Variants in GRB10 observed in about 807,000 individuals in gnomAD.
GRB10 encodes growth factor receptor bound protein 10, also known as growth factor receptor-bound protein 10.
A neutral mutation model predicts 80.9 loss-of-function variants in GRB10; 20 were observed. The observed-to-expected ratio is 0.25, with a 90% confidence interval of 0.17 to 0.36. The LOEUF is 0.36. Ranked by LOEUF, GRB10 falls within the 10% of genes least tolerant of loss-of-function variation. GRB10 has a pLI of 1.00. For missense variants in GRB10, 548 were observed against 747.7 expected (o/e 0.73, Z 3.12); for synonymous variants, 291 against 291.5 (o/e 1.00, Z 0.02).
chr7:50,601,108 C>T (rs1020791811), intron 17 of GRB10, among the ~76,000 whole-genome samples: 1 of 152,244 alleles, frequency 6.6e-6, no homozygotes, highest in African/African-American at 2.4e-5. Context: ...GATGCAGAGA[C>T]TGCGGGAACT....
Position 50,612,759 on chromosome 7 carries a change from T to C in GRB10, c.1176A>G (p.Thr392=). ...EDEQTRTCWM[T]AFRLLKYGML... is the part of the protein sequence containing the mutation. ...CACATACCTTGAGGAGTCTGAACGC[T>C]GTCATCCAGCACGTCCTGGTTTGCT... The change falls in exon 13 of 19, where the codon ACA becomes ACG. Residue 392 remains threonine (T), a synonymous_variant. Transcript: ENST00000401949. 6.2e-7 allele frequency: 1 copy of C among 1,613,340 alleles called. No individual in the cohort carries two copies. The highest frequency in any genetic ancestry group is 8.5e-7 in the Non-Finnish European group (1 of 1,179,422).
chr7:50,702,332 G>A (rs1390306095), intron 5 of GRB10, among the ~76,000 whole-genome samples: 5 of 152,236 alleles, frequency 3.3e-5, no homozygotes, highest in African/African-American at 4.8e-5. Context: ...AGTCACTGCC[G>A]GAGAAGGGAA....
rs1443897146 is a variant in GRB10, at chr7:50,626,836, G to A, written c.647C>T (p.Pro216Leu). ...DNSWTLVEHH[P>L]HLGLERCLED... ...TGGTTCCCTACCTAATCCTAGGTGC[G>A]GGTGGTGCTCCACTAGTGTCCAGCT... The change falls in exon 8 of 19, where the codon CCG (proline) becomes CTG (leucine). Residue 216 changes from proline to leucine, a missense_variant. Physicochemically the swap from Pro to Leu is moderately conservative, Grantham distance 98. Around this residue, in one of 4 missense-constraint regions of GRB10, gnomAD observed 270 missense variants for 433.6 expected, o/e 0.62. Coordinates refer to ENST00000401949, the MANE Select transcript of GRB10 (RefSeq NM_001350814.2). 8.7e-6 allele frequency: 14 copies of A among 1,613,994 alleles called. No individual in the cohort carries two copies. Among genetic ancestry groups the A allele is most frequent in the South Asian group, 5.5e-5 (5 of 91,078 alleles).
At chr7:50,778,817 T>A (rs1333406382) in intron 2 of GRB10, among the ~76,000 whole-genome samples, 3 of 152,228 alleles carry the variant, frequency 2.0e-5, no homozygotes, top group Admixed American at 6.5e-5. Flanking sequence ...GGTGTTAGCA[T>A]GCACAAGCTC....
At chr7:50,708,354 A>G (rs1329293464) in intron 4 of GRB10, among the ~76,000 whole-genome samples, 1 of 152,222 alleles carries the variant, frequency 6.6e-6, no homozygotes, top group Non-Finnish European at 1.5e-5. Context: ...GAAAGATTTC[A>G]TGGTATGACA....
intron 2 of GRB10, among the ~76,000 whole-genome samples, chr7:50,767,188 C>A (rs2076435632): frequency 6.6e-6 from 1 of 152,206 alleles, no homozygotes; most frequent in Non-Finnish European, 1.5e-5. Flanking sequence ...CAGGTACCCA[C>A]TGCCTGGCTG....
intron 17 of GRB10, 71 bp from the exon 18 acceptor site, chr7:50,595,601 T>TGACACACACACA: frequency 7.2e-5 from 40 of 556,294 alleles, no homozygotes; most frequent in East Asian, 1.8e-4. Flanking sequence ...ACACACTCTC[T>TGACACACACACA]TACACACACA....
intron 5 of GRB10, among the ~76,000 whole-genome samples, chr7:50,680,873 C>T (rs1197293783): frequency 6.6e-6 from 1 of 152,010 alleles, no homozygotes; most frequent in East Asian, 1.9e-4. Context: ...ATCCTATATC[C>T]AATTCCCTGA....
At chr7:50,727,355 C>T (rs2068814342) in intron 4 of GRB10, among the ~76,000 whole-genome samples, 1 of 152,192 alleles carries the variant, frequency 6.6e-6, no homozygotes, top group African/African-American at 2.4e-5. Context: ...TGTCTCCCTC[C>T]AGGGCTGGGA....
chr7:50,659,125 C>G (rs2058958880), intron 7 of GRB10, among the ~76,000 whole-genome samples: 1 of 152,230 alleles, frequency 6.6e-6, no homozygotes, highest in Admixed American at 6.5e-5. Context: ...TTCAGATGCT[C>G]TAGCTTAGCT....
intron 7 of GRB10, among the ~76,000 whole-genome samples, chr7:50,667,663 G>GA (rs759613535): frequency 0.054 from 7,673 of 142,252 alleles, 676 homozygotes; most frequent in African/African-American, 0.18. Context: ...AGCAAGTCGG[G>GA]AAAAAAAAAA....
At chr7:50,673,600 C>T (rs950333548) in intron 6 of GRB10, among the ~76,000 whole-genome samples, 1 of 152,102 alleles carries the variant, frequency 6.6e-6, no homozygotes, top group African/African-American at 2.4e-5. Flanking sequence ...CCTCAGGCAG[C>T]GCACAATCAT....
At chr7:50,619,405 A>T (rs1380244863) in intron 8 of GRB10, 120 bp from the exon 9 acceptor site, 3 of 723,804 alleles carry the variant, frequency 4.1e-6, no homozygotes, top group Non-Finnish European at 5.0e-6. Context: ...AATAAAGATG[A>T]GGTCAGGAAG....
intron 4 of GRB10, among the ~76,000 whole-genome samples, chr7:50,715,991 G>A (rs141082345): frequency 6.6e-5 from 10 of 152,182 alleles, no homozygotes; most frequent in South Asian, 2.1e-4. Flanking sequence ...GCCTAGGATC[G>A]TCCTAAGGAG....
chr7:50,682,984 C>T (rs1389686467), intron 5 of GRB10, among the ~76,000 whole-genome samples: 1 of 152,028 alleles, frequency 6.6e-6, no homozygotes, highest in Non-Finnish European at 1.5e-5. Context: ...GTATATACCC[C>T]CCAAAATTGA....
intron 6 of GRB10, among the ~76,000 whole-genome samples, chr7:50,671,847 A>G (rs1204648142): frequency 6.6e-6 from 1 of 152,264 alleles, no homozygotes; most frequent in Non-Finnish European, 1.5e-5. Flanking sequence ...GACATCGCCT[A>G]AGGCAAGACT....
At chr7:50,755,387 G>A (rs896827950) in intron 3 of GRB10, among the ~76,000 whole-genome samples, 6 of 152,096 alleles carry the variant, frequency 3.9e-5, no homozygotes, top group Admixed American at 2.0e-4. Flanking sequence ...TAGTTACAGG[G>A]TCCCCAGTCT....
chr7:50,628,504 C>G (rs7792075), intron 7 of GRB10, among the ~76,000 whole-genome samples: 35,102 of 151,808 alleles, frequency 0.23, 4,833 homozygotes, highest in East Asian at 0.44. Flanking sequence ...AGCTAGCTAC[C>G]CTCAGCTGTC....
exon 1 of GRB10, chr7:50,793,247 C>T (rs1416640793): frequency 2.0e-5 from 3 of 146,632 alleles, no homozygotes; most frequent in Non-Finnish European, 4.6e-5. Context: ...CTCCCCGCCG[C>T]CTCCGCGTGG....
Sources: allele counts gnomAD v4.1 joint callset (sites outside exome capture counted in the v4.1 genomes callset), GRCh38; gene constraint gnomAD v4.1.1; regional missense constraint gnomAD v4.1.1; transcripts MANE v1.5; gene names NCBI Gene and HGNC (gene_info 2026-07-23, HGNC 2026-07-21).